Variants in EPHB2 observed in about 807,000 individuals in gnomAD.
EPHB2 encodes EPH receptor B2.
In EPHB2, 18 loss-of-function variants were observed where a neutral mutation model predicts 96.4. The ratio of observed to expected loss-of-function variants is 0.19; its 90% CI spans 0.13 to 0.28. The LOEUF is 0.28. Among genes scored for constraint, EPHB2 ranks in the 10% least tolerant of loss-of-function variants. The pLI is 1.00. For missense variants in EPHB2, 989 were observed against 1,355.4 expected (o/e 0.73, Z 4.25); for synonymous variants, 506 against 534.1 (o/e 0.95, Z 0.72).
intron 5 of EPHB2, among the ~76,000 whole-genome samples, chr1:22,876,112 G>C (rs1370448057): frequency 2.0e-5 from 3 of 152,178 alleles, no homozygotes; most frequent in Non-Finnish European, 2.9e-5. Context: ...TCATCAACAG[G>C]GAGTGAAGAC....
At chr1:22,780,205 G>A (rs1482569877) in intron 1 of EPHB2, among the ~76,000 whole-genome samples, 1 of 152,236 alleles carries the variant, frequency 6.6e-6, no homozygotes, top group Non-Finnish European at 1.5e-5. Flanking sequence ...CAAGGAAAGG[G>A]TAGAGGACAG....
At chr1:22,728,268 G>A (rs980568095) in intron 1 of EPHB2, among the ~76,000 whole-genome samples, 6 of 152,220 alleles carry the variant, frequency 3.9e-5, no homozygotes, top group South Asian at 2.1e-4. Flanking sequence ...TATGATTTAC[G>A]GGTTCCTCAC....
chr1:22,816,706 A>G (rs1442638327), intron 3 of EPHB2, among the ~76,000 whole-genome samples: 2 of 152,162 alleles, frequency 1.3e-5, no homozygotes, highest in African/African-American at 2.4e-5. Context: ...CCTCACAGCA[A>G]CTGTAGGATA....
chr1:22,840,199 G>T lies in EPHB2; in HGVS notation c.812-22838G>T, dbSNP rs182198406. Among the ~76,000 whole-genome samples the T allele has an allele frequency of 7.4e-4, 112 of 152,256 alleles. 2 individuals carry two copies. Among genetic ancestry groups the T allele is most frequent in the Admixed American group, 2.7e-3 (42 of 15,292 alleles). Reference sequence around the variant, plus strand: ...GCCAAACTCATAGGGATGTTATAAGGATTAAATGAGATGATGTCACTAAAG... The same window carrying T: ...GCCAAACTCATAGGGATGTTATAAGTATTAAATGAGATGATGTCACTAAAG... On this transcript the variant is annotated intron_variant, in intron 3 of 15. Coordinates refer to ENST00000374630, the MANE Select transcript of EPHB2 (RefSeq NM_017449.5).
At chr1:22,856,240 A>G (rs1193327275) in intron 3 of EPHB2, among the ~76,000 whole-genome samples, 1 of 152,222 alleles carries the variant, frequency 6.6e-6, no homozygotes, top group Non-Finnish European at 1.5e-5. Context: ...TGCCAGGCCC[A>G]GATGGAGTCC....
intron 3 of EPHB2, among the ~76,000 whole-genome samples, chr1:22,859,188 G>A (rs1297184541): frequency 6.6e-6 from 1 of 150,632 alleles, no homozygotes; most frequent in Admixed American, 6.7e-5. Flanking sequence ...AGACTTCCTA[G>A]AAGAGATGAT....
At chr1:22,736,450 A>G (rs1643829936) in intron 1 of EPHB2, among the ~76,000 whole-genome samples, 3 of 152,130 alleles carry the variant, frequency 2.0e-5, no homozygotes, top group Admixed American at 2.0e-4. Flanking sequence ...TTCCCAATGC[A>G]TGAGCCGAGG....
intron 1 of EPHB2, among the ~76,000 whole-genome samples, chr1:22,743,580 C>T (rs756661306): frequency 1.4e-4 from 22 of 152,162 alleles, no homozygotes; most frequent in Non-Finnish European, 1.8e-4. Flanking sequence ...AAGTGATTCT[C>T]GTGCCTCAGC....
At chr1:22,902,785 T>TA (rs1639791493) in intron 9 of EPHB2, among the ~76,000 whole-genome samples, 1 of 152,002 alleles carries the variant, frequency 6.6e-6, no homozygotes, top group Admixed American at 6.5e-5. Flanking sequence ...GGAACCCCGG[T>TA]ACAAGGTAGA....
Position 22,910,539 on chromosome 1 carries a change from C to T in EPHB2, c.2660C>T (p.Pro887Leu). The T allele has an allele frequency of 1.2e-6, 2 of 1,613,168 alleles. No individual in the cohort carries two copies. The highest frequency in any genetic ancestry group is 1.7e-6 in the Non-Finnish European group (2 of 1,180,024). ...VNTLDKMIRN[P>L]NSLKAMAPLS... ...ACGCTAGACAAGATGATCCGCAATC[C>T]CAACAGCCTCAAAGCCATGGCGCCC... is the stretch of plus-strand genomic sequence containing the variant. The change falls in exon 14 of 16, where the codon CCC (proline) becomes CTC (leucine). Residue 887 changes from proline (P) to leucine (L), a missense_variant. Physicochemically the swap from Pro to Leu is moderately conservative, Grantham distance 98. Transcript: ENST00000374630.
rs1639907717 is a variant in EPHB2, at chr1:22,906,166, C to T, written c.1888+57C>T. On this transcript the variant is annotated intron_variant, in intron 10 of 15. Coordinates refer to ENST00000374630, the MANE Select transcript of EPHB2 (RefSeq NM_017449.5). The surrounding 1 kb of genome is among the most constrained non-coding windows in gnomAD (Gnocchi z 4.8). Reference sequence around the variant, plus strand: ...ACCTTAGCCATGGCTGGTGAGACCACCCCAATGTATACCCTTGGGGCAGAA... The same window carrying T: ...ACCTTAGCCATGGCTGGTGAGACCATCCCAATGTATACCCTTGGGGCAGAA... 6.2e-7 allele frequency: 1 copy of T among 1,613,054 alleles called. No individual in the cohort carries two copies.
chr1:22,748,103 A>C (rs1644003343), intron 1 of EPHB2, among the ~76,000 whole-genome samples: 1 of 152,194 alleles, frequency 6.6e-6, no homozygotes, highest in African/African-American at 2.4e-5. Flanking sequence ...CTCTGGCCTT[A>C]GTTTCCCCAT....
intron 3 of EPHB2, among the ~76,000 whole-genome samples, chr1:22,812,528 G>A (rs942365492): frequency 6.6e-6 from 1 of 152,180 alleles, no homozygotes; most frequent in African/African-American, 2.4e-5. Flanking sequence ...AAGGAAATTG[G>A]GGGCGGGGGC....
At chr1:22,796,772 A>G (rs893918887) in intron 3 of EPHB2, among the ~76,000 whole-genome samples, 2 of 152,190 alleles carry the variant, frequency 1.3e-5, no homozygotes, top group South Asian at 2.1e-4. Context: ...GCTCTTATCA[A>G]TTGGGTGCTC....
chr1:22,730,334 C>T (rs886070691), intron 1 of EPHB2, among the ~76,000 whole-genome samples: 2 of 152,228 alleles, frequency 1.3e-5, no homozygotes, highest in Non-Finnish European at 2.9e-5. Context: ...TTCTTGTGGG[C>T]ACTTGGGTGG....
At chr1:22,713,175 C>T (rs990819002) in intron 1 of EPHB2, among the ~76,000 whole-genome samples, 2 of 152,080 alleles carry the variant, frequency 1.3e-5, no homozygotes, top group Non-Finnish European at 2.9e-5. Context: ...GCAGCAGGCA[C>T]CCCAATGCTT....
In EPHB2 at chr1:22,914,051, A is replaced by G. The variant is rs1640200724; in HGVS notation, c.*481A>G. 3.9e-6 allele frequency: 3 copies of G among 768,106 alleles called. No homozygotes were observed. The highest frequency in any genetic ancestry group is 2.8e-5 in the East Asian group (1 of 35,830). 47.6% of individuals were successfully genotyped at this position (768,106 alleles called of 1,614,324 possible). A position where few individuals can be genotyped will look rare whatever the true frequency, so the allele number is the denominator to read the frequency against. On this transcript the variant is annotated 3_prime_UTR_variant, in exon 16 of 16. Coordinates refer to ENST00000374630, the MANE Select transcript of EPHB2 (RefSeq NM_017449.5). ...CCTGCTGCTCCTCTAGGCCTCACTCAACAACCAAGCGCCTGGAGGACGGGA... is the reference window on the plus strand; with the variant it reads ...CCTGCTGCTCCTCTAGGCCTCACTCGACAACCAAGCGCCTGGAGGACGGGA...
chr1:22,836,128 A>G (rs563382708), intron 3 of EPHB2: 1 of 152,340 alleles, frequency 6.6e-6, no homozygotes, highest in South Asian at 2.1e-4. Context: ...CCCACAGAGC[A>G]GCCTCTCCAG....
At chr1:22,856,175 C>A (rs1002474437) in intron 3 of EPHB2, among the ~76,000 whole-genome samples, 10 of 152,212 alleles carry the variant, frequency 6.6e-5, no homozygotes, top group Non-Finnish European at 1.2e-4. Flanking sequence ...GCAGAGGCAG[C>A]AGGCCAGCCA....
Sources: gnomAD v4.1 joint callset for allele counts (sites outside exome capture counted in the v4.1 genomes callset) on GRCh38, gnomAD v4.1.1 for gene constraint, Gnocchi (gnomAD v3.1) non-coding constraint, MANE v1.5 for transcripts, NCBI Gene and HGNC (gene_info 2026-07-23, HGNC 2026-07-21) for gene names.